Variants in RPS6KA2 observed in about 807,000 individuals in gnomAD.
RPS6KA2 encodes the protein ribosomal protein S6 kinase alpha-2.
Under a neutral mutation model 91.8 loss-of-function variants are expected in RPS6KA2, and 42 were observed. The ratio of observed to expected loss-of-function variants is 0.46; its 90% CI spans 0.36 to 0.59. The LOEUF is 0.59. Ranked by LOEUF, RPS6KA2 falls within the 20% of genes least tolerant of loss-of-function variation. RPS6KA2 has a pLI of 0.00. For synonymous variants in RPS6KA2, 414 were observed against 393.6 expected (o/e 1.05, Z -0.61); for missense variants, 798 against 978.5 (o/e 0.82, Z 2.46).
chr6:166,685,903 C>T (rs1788996753), intron 2 of RPS6KA2, among the ~76,000 whole-genome samples: 1 of 152,158 alleles, frequency 6.6e-6, no homozygotes, highest in Admixed American at 6.5e-5. Flanking sequence ...AGTGATCCCG[C>T]AGACAATGCA....
intron 2 of RPS6KA2, among the ~76,000 whole-genome samples, chr6:166,715,654 G>A (rs34575407): frequency 0.037 from 5,688 of 152,310 alleles, 104 homozygotes; most frequent in Middle Eastern, 0.061. Flanking sequence ...GCTATCTGGT[G>A]TAGCCCATGG....
chr6:166,566,680 C>A (rs1288558613), intron 1 of RPS6KA2, among the ~76,000 whole-genome samples: 1 of 152,224 alleles, frequency 6.6e-6, no homozygotes, highest in Non-Finnish European at 1.5e-5. Flanking sequence ...TCTCCCCAAG[C>A]CTCTTAAGGG....
chr6:166,481,303 TTTGTTG>T (rs1378485365), intron 10 of RPS6KA2, among the ~76,000 whole-genome samples: 1 of 152,270 alleles, frequency 6.6e-6, no homozygotes, highest in Non-Finnish European at 1.5e-5. Flanking sequence ...CAAAGTGGTC[TTTGTTG>T]TTGCAAAGAT....
intron 19 of RPS6KA2, among the ~76,000 whole-genome samples, chr6:166,414,364 CAG>C (rs1303874908): frequency 6.6e-6 from 1 of 152,142 alleles, no homozygotes; most frequent in African/African-American, 2.4e-5. Flanking sequence ...TACAAATAAT[CAG>C]AAACCGCAAA....
intron 3 of RPS6KA2, among the ~76,000 whole-genome samples, chr6:166,512,548 C>G (rs889162566): frequency 1.3e-5 from 2 of 152,228 alleles, no homozygotes; most frequent in Non-Finnish European, 2.9e-5. Flanking sequence ...TTAATACTCA[C>G]ACCTAGGATT....
chr6:166,609,283 C>T (rs892926771), intron 1 of RPS6KA2, among the ~76,000 whole-genome samples: 1 of 152,102 alleles, frequency 6.6e-6, no homozygotes, highest in African/African-American at 2.4e-5. Context: ...GTTTAAAAAA[C>T]TGGGTTCCGG....
chr6:166,422,184 G>A (rs1400603233), intron 17 of RPS6KA2, among the ~76,000 whole-genome samples: 2 of 152,196 alleles, frequency 1.3e-5, no homozygotes, highest in East Asian at 3.8e-4. Flanking sequence ...ACAGGCGTGA[G>A]CCACCGCACC....
intron 16 of RPS6KA2, among the ~76,000 whole-genome samples, chr6:166,427,102 C>A (rs1778949463): frequency 6.6e-6 from 1 of 152,214 alleles, no homozygotes; most frequent in Non-Finnish European, 1.5e-5. Context: ...GCTTATCCAC[C>A]ATGATCAAGT....
chr6:166,740,432 A>C (rs1404021340), intron 2 of RPS6KA2, among the ~76,000 whole-genome samples: 1 of 152,242 alleles, frequency 6.6e-6, no homozygotes, highest in African/African-American at 2.4e-5. Flanking sequence ...ATCCATGGAG[A>C]GCCTTTCTAT....
At chr6:166,547,488 G>T (rs1484758867) in intron 1 of RPS6KA2, among the ~76,000 whole-genome samples, 1 of 152,230 alleles carries the variant, frequency 6.6e-6, no homozygotes, top group Non-Finnish European at 1.5e-5. Context: ...GTCATGCACG[G>T]TGTTTGTGAT....
Position 166,494,586 on chromosome 6 carries a change from AGAG to A in RPS6KA2, c.748-3848_748-3846del, listed in dbSNP as rs1242369796. 1.3e-5 allele frequency among the ~76,000 whole-genome samples: 2 copies of A among 152,252 alleles called. No individual in the cohort carries two copies. Among genetic ancestry groups the A allele is most frequent in the Admixed American group, 6.5e-5 (1 of 15,284 alleles). ...CTAGAAACTGGCTCCAGCCTGGCGT[AGAG>A]GAGTGCTGGAAATTCTACAAATGTC... On this transcript the variant is annotated intron_variant, in intron 8 of 20. Transcript: ENST00000265678. The surrounding 1 kb of genome is among the most constrained non-coding windows in gnomAD (Gnocchi z 5.1).
rs570222010 is a variant in RPS6KA2, at chr6:166,853,628, G to A, written c.123+4572C>T. Among the ~76,000 whole-genome samples, 8 of 152,370 alleles carry A rather than the reference G, an allele frequency of 5.3e-5. No individual in the cohort carries two copies. In the South Asian group the frequency reaches 1.2e-3, roughly 24 times the overall value. ...CTATCCCACCAAAGATCCATGCTCA[G>A]CATCGTGGCCACCTAAGTCTCACGA... On this transcript the variant is annotated intron_variant, in intron 2 of 21. Coordinates refer to the RPS6KA2 transcript ENST00000503859.
At chr6:166,812,286 A>G (rs4710108) in intron 2 of RPS6KA2, among the ~76,000 whole-genome samples, 40,458 of 151,898 alleles carry the variant, frequency 0.27, 6,823 homozygotes, top group East Asian at 0.66. Flanking sequence ...AACTTGGGAG[A>G]CAGAGGCTGC....
rs563438828 is a variant in RPS6KA2, at chr6:166,621,804, C to T, written c.99+5117G>A. 5.9e-5 allele frequency among the ~76,000 whole-genome samples: 9 copies of T among 152,280 alleles called. No homozygotes were observed. The East Asian group carries it at 1.5e-3, about 26-fold the overall frequency. The stretch of plus-strand genomic sequence containing the variant: ...GCAGCTCCCTGAAGGTCCCCAAGGC[C>T]GCACACATCTCTGGTTGACCCGAAC... On this transcript the variant is annotated intron_variant, in intron 1 of 20. Transcript: ENST00000265678.
intron 2 of RPS6KA2, among the ~76,000 whole-genome samples, chr6:166,632,882 T>C (rs973853280): frequency 6.6e-6 from 1 of 151,892 alleles, no homozygotes; most frequent in African/African-American, 2.4e-5. Context: ...CTGAGCGGTG[T>C]GGGGAGGCCA....
At chr6:166,780,032 C>T (rs1218000319) in intron 2 of RPS6KA2, among the ~76,000 whole-genome samples, 1 of 152,160 alleles carries the variant, frequency 6.6e-6, no homozygotes, top group Non-Finnish European at 1.5e-5. Context: ...TAGGGAAAGG[C>T]CTCCTCTGCT....
intron 2 of RPS6KA2, among the ~76,000 whole-genome samples, chr6:166,696,339 G>T (rs2128573402): frequency 6.6e-6 from 1 of 152,318 alleles, no homozygotes; most frequent in African/African-American, 2.4e-5. Context: ...TGAATAGGTA[G>T]ATGGAAATGC....
intron 1 of RPS6KA2, among the ~76,000 whole-genome samples, chr6:166,622,148 A>G (rs1008293978): frequency 6.6e-6 from 1 of 152,210 alleles, no homozygotes; most frequent in Non-Finnish European, 1.5e-5. Context: ...ACGTGGGTTT[A>G]CGGAAAAGGA....
chr6:166,759,002 C>T (rs141314352), intron 2 of RPS6KA2, among the ~76,000 whole-genome samples: 234 of 152,252 alleles, frequency 1.5e-3, no homozygotes, highest in African/African-American at 5.3e-3. Context: ...GCACACATGG[C>T]GTATGTTCTT....
Sources: allele counts gnomAD v4.1 joint callset (sites outside exome capture counted in the v4.1 genomes callset), GRCh38; gene constraint gnomAD v4.1.1; non-coding constraint Gnocchi (gnomAD v3.1); transcripts MANE v1.5; gene names NCBI Gene and HGNC (gene_info 2026-07-23, HGNC 2026-07-21).